MTUS2: variants seen among roughly 807,000 people sequenced by gnomAD.
MTUS2 encodes microtubule-associated tumor suppressor candidate 2.
MTUS2 carries 40 observed loss-of-function variants against 114.1 expected under a neutral mutation model. The observed-to-expected ratio is 0.35, with a 90% CI of 0.27 to 0.46. The LOEUF (loss-of-function observed/expected upper bound fraction) is 0.46, where lower values mean the gene tolerates loss of function less well. Ranked by LOEUF, MTUS2 falls within the 20% of genes least tolerant of loss-of-function variation. MTUS2 has a pLI of 1.00. For synonymous variants in MTUS2, 688 were observed against 672.0 expected, an observed-to-expected ratio of 1.02 and a Z score of -0.37; for missense variants, 1,679 against 1,705.4, an observed-to-expected ratio of 0.98 and a Z score of 0.27.
At chr13:29,431,597 T>C (rs3125726) in intron 8 of MTUS2, among the ~76,000 whole-genome samples, 28,342 of 152,194 alleles carry the variant, frequency 0.19, 3,073 homozygotes, top group East Asian at 0.48. Context: ...GCTAGAACCA[T>C]AGGCAAGGTT....
chr13:28,851,976 TG>T (rs1876305037), intron 2 of MTUS2, among the ~76,000 whole-genome samples: 1 of 152,142 alleles, frequency 6.6e-6, no homozygotes. Flanking sequence ...TGTTCACACT[TG>T]CTTTCCATCA....
intron 2 of MTUS2, among the ~76,000 whole-genome samples, chr13:28,906,140 T>C (rs1482235690): frequency 6.6e-6 from 1 of 151,522 alleles, no homozygotes; most frequent in Non-Finnish European, 1.5e-5. Context: ...TTGATTCTTC[T>C]CTGTTTTCTT....
intron 2 of MTUS2, among the ~76,000 whole-genome samples, chr13:28,890,877 A>C (rs180752404): frequency 6.6e-6 from 1 of 152,138 alleles, no homozygotes; most frequent in African/African-American, 2.4e-5. Flanking sequence ...GTCTGTTAGA[A>C]TAGCTTTTCA....
At chr13:29,135,448 G>A (rs754065135) in intron 5 of MTUS2, among the ~76,000 whole-genome samples, 7 of 152,182 alleles carry the variant, frequency 4.6e-5, no homozygotes, top group Non-Finnish European at 1.0e-4. Flanking sequence ...CTTGTAGGCA[G>A]CGTATAGTTG....
intron 8 of MTUS2, among the ~76,000 whole-genome samples, chr13:29,392,080 G>C (rs1315985198): frequency 1.5e-5 from 2 of 137,812 alleles, no homozygotes; most frequent in African/African-American, 5.4e-5. Context: ...GTGAGCCGAG[G>C]TTGCACCACT....
At chr13:29,329,816 GT>G (rs1900691611) in intron 7 of MTUS2, among the ~76,000 whole-genome samples, 1 of 151,932 alleles carries the variant, frequency 6.6e-6, no homozygotes, top group South Asian at 2.1e-4. Flanking sequence ...GTTTCACCAT[GT>G]TGGCCAGGCT....
chr13:29,161,237 A>G (rs972472401), intron 5 of MTUS2, among the ~76,000 whole-genome samples: 3 of 152,208 alleles, frequency 2.0e-5, no homozygotes, highest in African/African-American at 7.2e-5. Flanking sequence ...CAATGTCTGT[A>G]TCCTGATTGT....
At chr13:29,459,157 G>A (rs1428334542) in intron 9 of MTUS2, among the ~76,000 whole-genome samples, 4 of 152,228 alleles carry the variant, frequency 2.6e-5, no homozygotes, top group Non-Finnish European at 5.9e-5. Context: ...GGAAAATGGA[G>A]CCTCTAGTGG....
At chr13:29,197,651 G>A (rs979179074) in intron 5 of MTUS2, among the ~76,000 whole-genome samples, 1 of 152,116 alleles carries the variant, frequency 6.6e-6, no homozygotes, top group Non-Finnish European at 1.5e-5. Flanking sequence ...TTCCACAATA[G>A]TTGAACTAAT....
intron 2 of MTUS2, among the ~76,000 whole-genome samples, chr13:28,940,372 C>T (rs1882160813): frequency 6.6e-6 from 1 of 152,138 alleles, no homozygotes; most frequent in Admixed American, 6.5e-5. Flanking sequence ...TAAAAGGTCA[C>T]ATATTGTATA....
chr13:29,382,491 G>T (rs1289736741), intron 8 of MTUS2, among the ~76,000 whole-genome samples: 3 of 152,134 alleles, frequency 2.0e-5, no homozygotes, highest in African/African-American at 7.2e-5. Context: ...GTAGAGAAAA[G>T]GTAGCTACAA....
At chr13:29,441,866 C>G (rs1355885639) in intron 9 of MTUS2, among the ~76,000 whole-genome samples, 1 of 152,208 alleles carries the variant, frequency 6.6e-6, no homozygotes, top group Non-Finnish European at 1.5e-5. Flanking sequence ...TCCTTCCCCA[C>G]TGATGGAAAC....
intron 10 of MTUS2, chr13:29,485,294 A>G (rs1211554123): frequency 6.5e-6 from 1 of 152,806 alleles, no homozygotes; most frequent in East Asian, 1.9e-4. Context: ...TGCTTCATAA[A>G]TGTGAACCTG....
chr13:29,336,580 C>G (rs956054630), intron 7 of MTUS2, among the ~76,000 whole-genome samples: 45 of 152,156 alleles, frequency 3.0e-4, no homozygotes, highest in African/African-American at 1.1e-3. Flanking sequence ...GTTTATTGAC[C>G]CCTGCTGGGA....
chr13:28,843,382 C>T (rs553982439), intron 2 of MTUS2, among the ~76,000 whole-genome samples: 3 of 152,226 alleles, frequency 2.0e-5, no homozygotes, highest in South Asian at 2.1e-4. Context: ...TTAAAATTAT[C>T]CTCAAGAATA....
chr13:29,372,531 C>G (rs954025979), intron 8 of MTUS2, among the ~76,000 whole-genome samples: 26 of 152,028 alleles, frequency 1.7e-4, no homozygotes, highest in African/African-American at 6.0e-4. Context: ...CACCTGGTGA[C>G]AAACACCCAT....
chr13:28,841,788 G>C (rs949720030), intron 2 of MTUS2, among the ~76,000 whole-genome samples: 1 of 152,034 alleles, frequency 6.6e-6, no homozygotes. Flanking sequence ...CCAGGTTCAA[G>C]CGATTCTCCT....
intron 8 of MTUS2, among the ~76,000 whole-genome samples, chr13:29,387,034 GTGCT>G (rs1872672642): frequency 6.6e-6 from 1 of 152,362 alleles, no homozygotes; most frequent in African/African-American, 2.4e-5. Context: ...TCTTTACTTA[GTGCT>G]TACTATGTGC....
intron 4 of MTUS2, among the ~76,000 whole-genome samples, chr13:29,054,003 GCAGTTTT>G (rs1323716328): frequency 4.6e-5 from 7 of 152,180 alleles, no homozygotes; most frequent in Non-Finnish European, 1.5e-5. Flanking sequence ...ATTTTTCAAA[GCAGTTTT>G]CCTATCTTAC....
Sources: gnomAD v4.1 joint callset for allele counts (sites outside exome capture counted in the v4.1 genomes callset) on GRCh38, gnomAD v4.1.1 for gene constraint, MANE v1.5 for transcripts, NCBI Gene and HGNC (gene_info 2026-07-23, HGNC 2026-07-21) for gene names.